The following WDR70 variants were observed in gnomAD, a reference collection of about 807,000 sequenced individuals.
WDR70 encodes the protein WD repeat-containing protein 70.
Under a neutral mutation model 88.6 loss-of-function variants are expected in WDR70, and 53 were observed. The observed-to-expected ratio is 0.60, with a 90% CI of 0.48 to 0.75. The LOEUF is 0.75. Ranked by LOEUF, WDR70 falls within the 30% of genes least tolerant of loss-of-function variation. WDR70 has a pLI of 0.00. For missense variants in WDR70, 610 were observed against 823.2 expected, an observed-to-expected ratio of 0.74 and a Z score of 3.17; for synonymous variants, 280 against 270.0, an observed-to-expected ratio of 1.04 and a Z score of -0.36.
At chr5:37,398,538 C>T (rs967006072) in intron 5 of WDR70, among the ~76,000 whole-genome samples, 4 of 152,050 alleles carry the variant, frequency 2.6e-5, no homozygotes, top group African/African-American at 7.2e-5. Context: ...TTGCGTATTC[C>T]TTCTCAGTAC....
intron 9 of WDR70, among the ~76,000 whole-genome samples, chr5:37,524,068 C>A (rs953570692): frequency 3.9e-5 from 6 of 152,144 alleles, no homozygotes; most frequent in African/African-American, 1.4e-4. Flanking sequence ...AGGATATTAT[C>A]CAGGAGAACT....
chr5:37,640,572 G>C (rs972659410), intron 10 of WDR70, among the ~76,000 whole-genome samples: 1 of 152,082 alleles, frequency 6.6e-6, no homozygotes, highest in Admixed American at 6.6e-5. Context: ...TTAAAAGTAG[G>C]TCATACTTTG....
intron 10 of WDR70, among the ~76,000 whole-genome samples, chr5:37,626,272 A>G (rs56114410): frequency 0.47 from 71,361 of 152,028 alleles, 18,191 homozygotes; most frequent in Non-Finnish European, 0.58. Context: ...CCATTATTAT[A>G]TTTAGGTATA....
chr5:37,592,511 C>T (rs567767402), intron 9 of WDR70, among the ~76,000 whole-genome samples: 3 of 152,184 alleles, frequency 2.0e-5, no homozygotes, highest in Admixed American at 6.5e-5. Context: ...CACCAGAATA[C>T]GTGTATCAAC....
intron 10 of WDR70, among the ~76,000 whole-genome samples, chr5:37,625,867 C>G (rs760919006): frequency 6.6e-6 from 1 of 151,974 alleles, no homozygotes; most frequent in Non-Finnish European, 1.5e-5. Flanking sequence ...GTTTGTTTTT[C>G]TGTTCTTTGT....
Position 37,608,331 on chromosome 5 carries a change from C to T in WDR70, c.1092+3093C>T, listed in dbSNP as rs151135856. On this transcript the variant is annotated intron_variant, in intron 10 of 17. Coordinates refer to ENST00000265107, the MANE Select transcript of WDR70 (RefSeq NM_018034.4). ...CTAGGATTACAGGCGTGAGCCACCA[C>T]GCCTGGCCATTCTGCAGCACTCTTA... Among the ~76,000 whole-genome samples the T allele has an allele frequency of 2.0e-3, 309 of 152,176 alleles. 2 individuals are homozygous for T. Among genetic ancestry groups the T allele is most frequent in the African/African-American group, 7.2e-3 (298 of 41,546 alleles).
intron 8 of WDR70, among the ~76,000 whole-genome samples, chr5:37,499,002 T>C (rs913775972): frequency 2.0e-5 from 3 of 152,192 alleles, no homozygotes; most frequent in Admixed American, 6.5e-5. Flanking sequence ...GCAATTGGTA[T>C]TGTTAGTTTT....
chr5:37,531,741 T>C (rs567807678), intron 9 of WDR70, among the ~76,000 whole-genome samples: 1 of 152,180 alleles, frequency 6.6e-6, no homozygotes, highest in South Asian at 2.1e-4. Flanking sequence ...GTGGAGCAGT[T>C]AGGCCATTTA....
At chr5:37,569,402 G>A (rs1300825574) in intron 9 of WDR70, among the ~76,000 whole-genome samples, 1 of 152,024 alleles carries the variant, frequency 6.6e-6, no homozygotes, top group Non-Finnish European at 1.5e-5. Context: ...TTATTTCTAT[G>A]GTTGTTTGCT....
chr5:37,450,948 G>T (rs1738660192), intron 7 of WDR70, among the ~76,000 whole-genome samples: 1 of 152,140 alleles, frequency 6.6e-6, no homozygotes, highest in Non-Finnish European at 1.5e-5. Context: ...GCCCAGGCTG[G>T]AGTGCAATGG....
At chr5:37,676,353 A>G (rs1186460091) in intron 10 of WDR70, among the ~76,000 whole-genome samples, 1 of 152,026 alleles carries the variant, frequency 6.6e-6, no homozygotes, top group East Asian at 1.9e-4. Flanking sequence ...TCCATTCAGG[A>G]TGATATTGGC....
intron 9 of WDR70, among the ~76,000 whole-genome samples, chr5:37,589,634 C>T (rs2112443617): frequency 6.6e-6 from 1 of 152,066 alleles, no homozygotes; most frequent in African/African-American, 2.4e-5. Flanking sequence ...GGCTGGAGTG[C>T]AGTGGTGCCC....
chr5:37,397,315 C>T (rs1232786163), intron 5 of WDR70, among the ~76,000 whole-genome samples: 3 of 151,776 alleles, frequency 2.0e-5, no homozygotes, highest in Non-Finnish European at 2.9e-5. Flanking sequence ...GTTAAATCTA[C>T]GTATGCGGCT....
chr5:37,752,746 T>C lies in WDR70; in HGVS notation c.*173T>C. On this transcript the variant is annotated 3_prime_UTR_variant, in exon 18 of 18. Transcript: ENST00000265107. ...GGCTTCACTAAAATTGTGCTTAAAT[T>C]TTCTTACCTGCAACTATTAAACTGA... 1.8e-6 allele frequency: 1 copy of C among 553,852 alleles called. No homozygotes were observed. The highest frequency in any genetic ancestry group is 2.4e-5 in the South Asian group (1 of 41,378). 34.3% of individuals were successfully genotyped at this position (553,852 alleles called of 1,614,324 possible).
chr5:37,504,749 C>T (rs564116936), intron 8 of WDR70, among the ~76,000 whole-genome samples: 11 of 152,236 alleles, frequency 7.2e-5, no homozygotes, highest in South Asian at 4.2e-4. Context: ...AGAATAAGCA[C>T]GAAAATACTA....
intron 10 of WDR70, among the ~76,000 whole-genome samples, chr5:37,672,653 C>T (rs1746062918): frequency 6.6e-6 from 1 of 152,166 alleles, no homozygotes; most frequent in Non-Finnish European, 1.5e-5. Context: ...CTTCTCCCCA[C>T]TCTTAGCCTG....
intron 8 of WDR70, among the ~76,000 whole-genome samples, chr5:37,485,192 C>T (rs1273618846): frequency 6.6e-6 from 1 of 152,146 alleles, no homozygotes; most frequent in African/African-American, 2.4e-5. Flanking sequence ...CAGTAATTCT[C>T]ATGATTTTTG....
At chr5:37,397,787 G>A (rs914266788) in intron 5 of WDR70, among the ~76,000 whole-genome samples, 2 of 152,082 alleles carry the variant, frequency 1.3e-5, no homozygotes, top group Admixed American at 6.5e-5. Flanking sequence ...GAGGTCAAGA[G>A]ATTGAGACCA....
intron 9 of WDR70, among the ~76,000 whole-genome samples, chr5:37,572,167 A>G (rs916539111): frequency 1.3e-5 from 2 of 152,154 alleles, no homozygotes; most frequent in African/African-American, 4.8e-5. Context: ...CCAGATTCCA[A>G]CTTCAGTAGG....
Sources: allele counts gnomAD v4.1 joint callset (sites outside exome capture counted in the v4.1 genomes callset), GRCh38; gene constraint gnomAD v4.1.1; transcripts MANE v1.5; gene names NCBI Gene and HGNC (gene_info 2026-07-23, HGNC 2026-07-21).